Variants in TMEM44 observed in about 807,000 individuals in gnomAD.
TMEM44 encodes transmembrane protein 44.
A neutral mutation model predicts 47.8 loss-of-function variants in TMEM44; 43 were observed. The observed-to-expected ratio is 0.90, with a 90% CI of 0.70 to 1.16. The LOEUF (loss-of-function observed/expected upper bound fraction) is 1.16. TMEM44 is among the 50% of genes most tolerant of loss of function. The probability of loss-of-function intolerance (pLI) is 0.00; values close to 1 mark genes in which losing one functional copy is unlikely to be tolerated. For missense variants in TMEM44, 568 were observed against 555.2 expected, an observed-to-expected ratio of 1.02 and a Z score of -0.23; for synonymous variants, 277 against 238.8, an observed-to-expected ratio of 1.16 and a Z score of -1.48.
intron 9 of TMEM44, among the ~76,000 whole-genome samples, 186 bp from the exon 10 acceptor site, chr3:194,588,825 T>C (rs1712197530): frequency 6.6e-6 from 1 of 152,148 alleles, no homozygotes; most frequent in African/African-American, 2.4e-5. Flanking sequence ...AGCATAACTT[T>C]ACATCAAGCA....
intron 8 of TMEM44, among the ~76,000 whole-genome samples, chr3:194,605,712 C>G (rs1021834880): frequency 6.6e-6 from 1 of 152,188 alleles, no homozygotes; most frequent in Non-Finnish European, 1.5e-5. Flanking sequence ...GGGACACATC[C>G]AAACCACATC....
chr3:194,608,945 A>G (rs1193068209), intron 8 of TMEM44, among the ~76,000 whole-genome samples: 1 of 152,208 alleles, frequency 6.6e-6, no homozygotes, highest in Non-Finnish European at 1.5e-5. Context: ...GGACCACAGA[A>G]GAAGTGGAGA....
intron 9 of TMEM44, among the ~76,000 whole-genome samples, chr3:194,598,852 C>T (rs1283661863): frequency 2.0e-5 from 3 of 152,120 alleles, no homozygotes; most frequent in Admixed American, 6.5e-5. Flanking sequence ...AAGGTAAACA[C>T]GTCACCTTAA....
At chr3:194,590,515 G>A (rs1324180894) in intron 9 of TMEM44, among the ~76,000 whole-genome samples, 3 of 152,168 alleles carry the variant, frequency 2.0e-5, no homozygotes, top group South Asian at 2.1e-4. Context: ...CTCAGCCTAC[G>A]TGACCCACCT....
chr3:194,597,827 G>T (rs12490347), intron 9 of TMEM44, among the ~76,000 whole-genome samples: 61,668 of 151,884 alleles, frequency 0.41, 13,118 homozygotes, highest in East Asian at 0.77. Flanking sequence ...AATGCTGGGG[G>T]AAGTCAAGCC....
chr3:194,593,002 A>C (rs765889896), intron 9 of TMEM44: 33 of 1,612,164 alleles, frequency 2.0e-5, no homozygotes, highest in Admixed American at 1.0e-4. Context: ...AAGCCATAGG[A>C]AGTCCCTCCT....
intron 8 of TMEM44, among the ~76,000 whole-genome samples, chr3:194,605,674 C>T (rs1250988014): frequency 2.0e-5 from 3 of 152,322 alleles, no homozygotes; most frequent in Non-Finnish European, 2.9e-5. Context: ...TCCCACAACA[C>T]GTGGGAATTC....
intron 5 of TMEM44, 68 bp from the exon 6 acceptor site, chr3:194,617,337 C>T: frequency 6.9e-7 from 1 of 1,447,052 alleles, no homozygotes; most frequent in Non-Finnish European, 9.1e-7. Context: ...CCCTCAGTGG[C>T]ACAGCAGGTT....
chr3:194,616,300 T>A (rs1419115559), intron 6 of TMEM44, among the ~76,000 whole-genome samples: 1 of 152,080 alleles, frequency 6.6e-6, no homozygotes, highest in Non-Finnish European at 1.5e-5. Flanking sequence ...GATCCTCCCA[T>A]CTTGGCCTCC....
intron 9 of TMEM44, among the ~76,000 whole-genome samples, chr3:194,599,588 T>TTTCTTTTC (rs1553826568): frequency 0.096 from 5,967 of 62,406 alleles, 166 homozygotes; most frequent in African/African-American, 0.18. Context: ...TTTCTTTTCT[T>TTTCTTTTC]TTTTTTTTTT....
intron 9 of TMEM44, among the ~76,000 whole-genome samples, chr3:194,590,947 A>G (rs1487743226): frequency 6.6e-6 from 1 of 152,202 alleles, no homozygotes; most frequent in African/African-American, 2.4e-5. Flanking sequence ...TAATCTCAGC[A>G]CTTTGGGAGA....
At chr3:194,599,248 A>T (rs1346499437) in intron 9 of TMEM44, among the ~76,000 whole-genome samples, 2 of 152,108 alleles carry the variant, frequency 1.3e-5, no homozygotes, top group Non-Finnish European at 1.5e-5. Context: ...AGTGCCTGCC[A>T]CCCTATGCGG....
chr3:194,624,319 C>A (rs1182722565), intron 3 of TMEM44, among the ~76,000 whole-genome samples: 1 of 151,712 alleles, frequency 6.6e-6, no homozygotes, highest in African/African-American at 2.4e-5. Flanking sequence ...TAAGCCACTG[C>A]CCAGCTCTCT....
chr3:194,633,057 C>CCCGACAGCCT, intron 1 of TMEM44, 22 bp downstream of exon 1: 1 of 1,047,236 alleles, frequency 9.5e-7, no homozygotes, highest in Non-Finnish European at 1.3e-6. Flanking sequence ...CCCGACAGCC[C>CCCGACAGCCT]CCCGACCCGT....
chr3:194,598,044 A>AAATG (rs1263876711), intron 9 of TMEM44, among the ~76,000 whole-genome samples: 1 of 152,218 alleles, frequency 6.6e-6, no homozygotes, highest in African/African-American at 2.4e-5. Flanking sequence ...GTGGGCTAGT[A>AAATG]AATGAATGAA....
At chr3:194,605,849 A>G (rs903469492) in intron 8 of TMEM44, among the ~76,000 whole-genome samples, 1 of 152,200 alleles carries the variant, frequency 6.6e-6, no homozygotes, top group African/African-American at 2.4e-5. Flanking sequence ...GGGACACATG[A>G]GGAGAATGGC....
chr3:194,629,723 C>T (rs13074015), intron 1 of TMEM44, among the ~76,000 whole-genome samples: 18 of 125,292 alleles, frequency 1.4e-4, no homozygotes, highest in East Asian at 5.2e-4. Flanking sequence ...TCGTACCTGC[C>T]TCCCGGAGGG....
chr3:194,606,739 A>C (rs999334255), intron 8 of TMEM44, among the ~76,000 whole-genome samples: 3 of 152,172 alleles, frequency 2.0e-5, no homozygotes, highest in East Asian at 3.9e-4. Flanking sequence ...CAGGAGTTTG[A>C]GAACAGCCTG....
At position 194,604,397 on chromosome 3, in the gene TMEM44, C is replaced by T. The variant is rs768376448; in HGVS notation, c.1066G>A (p.Gly356Arg). 44 of 1,541,366 alleles carry T rather than the reference C, an allele frequency of 2.9e-5. No individual in the cohort carries two copies. The highest frequency in any genetic ancestry group is 2.4e-4 in the South Asian group (20 of 83,450). Residue 356 changes from glycine to arginine, a missense_variant, in exon 9 of 10, where the codon GGA becomes AGA. Coordinates refer to ENST00000347147, the MANE Select transcript of TMEM44 (RefSeq NM_001011655.3). Reference protein sequence around the residue: ...RLPGDGQTSAGDASLQDPPSY... With the variant: ...RLPGDGQTSARDASLQDPPSY... ...GGGGGGTCCTGCAGGGACGCATCTC[C>T]GGCGCTCGTCTGCCCGTCACCTGGC... is the stretch of plus-strand genomic sequence containing the variant.
Sources: gnomAD v4.1 joint callset for allele counts (sites outside exome capture counted in the v4.1 genomes callset) on GRCh38, gnomAD v4.1.1 for gene constraint, MANE v1.5 for transcripts, NCBI Gene and HGNC (gene_info 2026-07-23, HGNC 2026-07-21) for gene names.